TG: variants seen among roughly 807,000 people sequenced by gnomAD.
The protein encoded by TG is thyroid hormones.
A neutral mutation model predicts 324.7 loss-of-function variants in TG; 270 were observed. The observed-to-expected ratio is 0.83, with a 90% confidence interval of 0.75 to 0.92. TG has a LOEUF of 0.92. Among genes scored for constraint, TG ranks in the 40% least tolerant of loss-of-function variants. TG has a pLI of 0.00. For missense variants in TG, 3,591 were observed against 3,456.4 expected (o/e 1.04, Z -0.98); for synonymous variants, 1,401 against 1,327.0 (o/e 1.06, Z -1.21).
At chr8:132,890,337 A>G (rs1816050535) in intron 10 of TG, among the ~76,000 whole-genome samples, 1 of 152,152 alleles carries the variant, frequency 6.6e-6, no homozygotes, top group Admixed American at 6.5e-5. Flanking sequence ...CCTTATAAAG[A>G]AATACCCATT....
chr8:132,935,022 A>G (rs1823362261), intron 24 of TG, among the ~76,000 whole-genome samples: 1 of 152,076 alleles, frequency 6.6e-6, no homozygotes, highest in Non-Finnish European at 1.5e-5. Context: ...CTGACAGTCC[A>G]AAAATTACTG....
chr8:132,906,725 G>A lies in TG; in HGVS notation c.3672G>A (p.Val1224=). Residue 1224 remains valine, a synonymous_variant, in exon 17 of 48, where the codon GTG becomes GTA. Transcript: ENST00000220616. The stretch of plus-strand genomic sequence containing the variant: ...CGCTGCCATTCAACGCGTCGGAGGT[G>A]GTTGGTGGAACAATCCTGTGTGAGA... ...RCPLPFNASE[V]VGGTILCETI... The A allele has an allele frequency of 6.2e-7, 1 of 1,614,206 alleles. No individual in the cohort carries two copies. The highest frequency in any genetic ancestry group is 8.5e-7 in the Non-Finnish European group (1 of 1,180,040).
chr8:132,884,981 G>A (rs1164391882), intron 8 of TG, among the ~76,000 whole-genome samples: 1 of 152,242 alleles, frequency 6.6e-6, no homozygotes, highest in Non-Finnish European at 1.5e-5. Context: ...TGGCCTCGTT[G>A]AGGGATGTTA....
chr8:133,085,048 G>C (rs189207624), intron 41 of TG, among the ~76,000 whole-genome samples: 1 of 152,316 alleles, frequency 6.6e-6, no homozygotes, highest in East Asian at 1.9e-4. Context: ...CACAAACTGA[G>C]AACAGCATGT....
At chr8:133,068,355 C>T (rs1227371806) in intron 41 of TG, among the ~76,000 whole-genome samples, 1 of 152,180 alleles carries the variant, frequency 6.6e-6, no homozygotes. Context: ...CACTCTCAGG[C>T]TAACAGAGAG....
At chr8:132,987,721 GGT>G (rs71276508) in intron 35 of TG, among the ~76,000 whole-genome samples, 18 of 149,748 alleles carry the variant, frequency 1.2e-4, no homozygotes, top group African/African-American at 4.2e-4. Flanking sequence ...GTGTGTGTGT[GGT>G]GTGTGTGTGT....
At chr8:133,067,832 G>A (rs1843253149) in intron 41 of TG, among the ~76,000 whole-genome samples, 1 of 150,710 alleles carries the variant, frequency 6.6e-6, no homozygotes, top group Non-Finnish European at 1.5e-5. Context: ...AAGGGGGAGA[G>A]AGAGAGAGAC....
chr8:132,882,484 T>G lies in TG; in HGVS notation c.761T>G (p.Leu254Arg). 2 of 1,614,190 alleles carry G rather than the reference T, an allele frequency of 1.2e-6. No individual in the cohort carries two copies. Among genetic ancestry groups the G allele is most frequent in the Non-Finnish European group, 1.7e-6 (2 of 1,179,998 alleles). The change falls in exon 7 of 48, where the codon CTG (leucine) becomes CGG (arginine). Residue 254 changes from leucine (L) to arginine (R), a missense_variant. Physicochemically the swap from Leu to Arg is moderately radical, Grantham distance 102 (BLOSUM62 -2). Coordinates refer to ENST00000220616, the MANE Select transcript of TG (RefSeq NM_003235.5). ...CTTTGCTCAGGTTTGGAGTTGTTACTGGATGAAATTTATGACACCATTTTT... is the reference window on the plus strand; with the variant it reads ...CTTTGCTCAGGTTTGGAGTTGTTACGGGATGAAATTTATGACACCATTTTT... ...ELAETGLELLLDEIYDTIFAG... is the reference protein window; with the variant it reads ...ELAETGLELLRDEIYDTIFAG...
chr8:133,116,650 C>A lies in TG; in HGVS notation c.7796C>A (p.Ala2599Asp). Residue 2599 changes from alanine to aspartate, a missense_variant, in exon 45 of 48, where the codon GCC (alanine) becomes GAC (aspartate). Coordinates refer to ENST00000220616, the MANE Select transcript of TG (RefSeq NM_003235.5). Reference sequence around the variant, plus strand: ...TGCCCTATAATCGACATGGCCAGTGCCTGGGCAAAGAGGGCCCGAGGAAAC... The same window carrying A: ...TGCCCTATAATCGACATGGCCAGTGACTGGGCAAAGAGGGCCCGAGGAAAC... ...IICPIIDMAS[A>D]WAKRARGNVF... 2 of 1,614,234 alleles carry A rather than the reference C, an allele frequency of 1.2e-6. No individual in the cohort carries two copies. Among genetic ancestry groups the A allele is most frequent in the Non-Finnish European group, 1.7e-6 (2 of 1,180,044 alleles).
intron 41 of TG, among the ~76,000 whole-genome samples, chr8:133,070,841 G>A (rs1587986197): frequency 6.6e-6 from 1 of 152,340 alleles, no homozygotes; most frequent in South Asian, 2.1e-4. Context: ...CCGTGGTGAA[G>A]TTGTCCCTTC....
intron 23 of TG, 30 bp from the exon 24 acceptor site, chr8:132,933,531 A>G: frequency 6.2e-7 from 1 of 1,608,088 alleles, no homozygotes; most frequent in Non-Finnish European, 8.5e-7. Context: ...CGGGAAAGCC[A>G]GGTGAGTGAC....
rs542160713 is a variant in TG at position 132,869,846 on chromosome 8, G to A, written c.274+20G>A. Reference sequence around the variant, plus strand: ...TGGCTTGTAAGTGGGAGTGGGGGACGTCCCTTGGAGGGACCCTGCTAGGAC... The same window carrying A: ...TGGCTTGTAAGTGGGAGTGGGGGACATCCCTTGGAGGGACCCTGCTAGGAC... On this transcript the variant is annotated intron_variant, in intron 3 of 47. Coordinates refer to ENST00000220616, the MANE Select transcript of TG (RefSeq NM_003235.5). 2.1e-5 allele frequency: 34 copies of A among 1,607,836 alleles called. No homozygotes were observed. In the Middle Eastern group the frequency reaches 7.0e-4, roughly 33 times the overall value.
intron 8 of TG, 24 bp downstream of exon 8, chr8:132,883,023 T>A: frequency 6.2e-7 from 1 of 1,609,728 alleles, no homozygotes; most frequent in Non-Finnish European, 8.5e-7. Context: ...GGGGGCTTCC[T>A]CTTTCGGCCT....
rs184146653 is a variant in TG at position 133,057,001 on chromosome 8, G to A, written c.7239+26978G>A. On this transcript the variant is annotated intron_variant, in intron 41 of 47. Transcript: ENST00000220616. ...TTTCAGTTACTTCCCAGGGGATTCT[G>A]ATGCAGGTGGTGCGAAGACCACTTA... is the stretch of plus-strand genomic sequence containing the variant. Among the ~76,000 whole-genome samples the A allele has an allele frequency of 2.2e-4, 33 of 152,324 alleles. No individual in the cohort carries two copies. The East Asian group carries it at 6.2e-3, about 29-fold the overall frequency.
chr8:132,969,453 T>C lies in TG; in HGVS notation c.5864-5T>C. On this transcript the variant is annotated splice_polypyrimidine_tract_variant and splice_region_variant and intron_variant, in intron 31 of 47. Coordinates refer to ENST00000220616, the MANE Select transcript of TG (RefSeq NM_003235.5). ...GTAATGTATTTTCTTTCTTCCTCTA[T>C]GAAGTTATACTGGAAGATAAAGTGA... 6.3e-7 allele frequency: 1 copy of C among 1,598,502 alleles called. No homozygotes were observed. The highest frequency in any genetic ancestry group is 8.6e-7 in the Non-Finnish European group (1 of 1,165,836).
chr8:132,930,941 A>G (rs544576132), intron 23 of TG, among the ~76,000 whole-genome samples: 14 of 152,306 alleles, frequency 9.2e-5, no homozygotes, highest in African/African-American at 3.4e-4. Context: ...AATCCAAGAC[A>G]AGCAGTATTT....
chr8:132,871,299 C>A, intron 3 of TG, 49 bp from the exon 4 acceptor site: 1 of 1,601,200 alleles, frequency 6.2e-7, no homozygotes, highest in Non-Finnish European at 8.6e-7. Flanking sequence ...GCTCTGCCCC[C>A]TGGAAATTTC....
At chr8:132,995,325 T>G in intron 35 of TG, 1 of 985,046 alleles carries the variant, frequency 1.0e-6, no homozygotes, top group Non-Finnish European at 1.2e-6. Context: ...ATAAATGGAA[T>G]GAGCAGCAGC....
intron 30 of TG, 32 bp downstream of exon 30, chr8:132,966,729 C>G: frequency 6.2e-7 from 1 of 1,613,298 alleles, no homozygotes; most frequent in East Asian, 2.2e-5. Flanking sequence ...TCTTCTTCTT[C>G]CAGACACTGT....
Sources: gnomAD v4.1 joint callset for allele counts (sites outside exome capture counted in the v4.1 genomes callset) on GRCh38, gnomAD v4.1.1 for gene constraint, MANE v1.5 for transcripts, NCBI Gene and HGNC (gene_info 2026-07-23, HGNC 2026-07-21) for gene names.